Variants in RAB11FIP3 observed in about 807,000 individuals in gnomAD.
The protein encoded by RAB11FIP3 is rab11 family-interacting protein 3.
A neutral mutation model predicts 77.8 loss-of-function variants in RAB11FIP3; 17 were observed. The observed-to-expected ratio is 0.22, with a 90% CI of 0.15 to 0.33. The LOEUF (loss-of-function observed/expected upper bound fraction) is 0.33. Ranked by LOEUF, RAB11FIP3 falls within the 10% of genes least tolerant of loss-of-function variation. RAB11FIP3 has a pLI of 1.00. For synonymous variants in RAB11FIP3, 437 were observed against 448.2 expected (o/e 0.98, Z 0.31); for missense variants, 1,005 against 1,011.2 (o/e 0.99, Z 0.08).
intron 1 of RAB11FIP3, among the ~76,000 whole-genome samples, chr16:436,987 A>G (rs999174541): frequency 2.0e-5 from 3 of 152,030 alleles, no homozygotes; most frequent in African/African-American, 7.2e-5. Flanking sequence ...TAATAGCTAG[A>G]AGGAGGAGTC....
chr16:458,292 A>G (rs1430902198), intron 1 of RAB11FIP3, among the ~76,000 whole-genome samples: 1 of 152,200 alleles, frequency 6.6e-6, no homozygotes, highest in Non-Finnish European at 1.5e-5. Context: ...CTTTTCCTGA[A>G]ACAGAGCAGC....
In RAB11FIP3 at chr16:516,418, A is replaced by G. The variant is rs540637530; in HGVS notation, c.1641-2525A>G. Among the ~76,000 whole-genome samples the G allele has an allele frequency of 1.8e-3, 281 of 152,312 alleles. 2 individuals are homozygous for G. The highest frequency in any genetic ancestry group is 6.5e-3 in the African/African-American group (269 of 41,574). ...GAGGTGCTTACACTAAAAACCCCCC[A>G]TGAGCACAGACACTGAGGTTATCTC... On this transcript the variant is annotated intron_variant, in intron 9 of 13. Transcript: ENST00000262305.
intron 5 of RAB11FIP3, among the ~76,000 whole-genome samples, chr16:495,531 A>T (rs1567395809): frequency 6.6e-6 from 1 of 152,200 alleles, no homozygotes; most frequent in Non-Finnish European, 1.5e-5. Flanking sequence ...GGGAGACTGC[A>T]GGTGTCGGAG....
At chr16:468,230 G>GGGA (rs1298179341) in intron 2 of RAB11FIP3, among the ~76,000 whole-genome samples, 11 of 88,624 alleles carry the variant, frequency 1.2e-4, no homozygotes, top group Middle Eastern at 8.9e-3. Flanking sequence ...TGGGGCGTCA[G>GGGA]GGAGGAGGTG....
chr16:481,522 C>A (rs1271759385), intron 3 of RAB11FIP3, among the ~76,000 whole-genome samples: 6 of 151,664 alleles, frequency 4.0e-5, no homozygotes, highest in Admixed American at 2.0e-4. Context: ...AAAAAAAAAC[C>A]CCCAAAAAAC....
rs2056142243 is a variant in RAB11FIP3, at chr16:485,751, AT to A, written c.1115+3020del. Among the ~76,000 whole-genome samples the A allele has an allele frequency of 2.6e-5, 4 of 152,068 alleles. No homozygotes were observed. The South Asian group carries it at 8.3e-4, about 31-fold the overall frequency. Reference sequence around the variant, plus strand: ...AATTTTGCTATAGTTGAGCTTATCCATTTTTCTTTTATGTTTATTAGCACTT... The same window carrying A: ...AATTTTGCTATAGTTGAGCTTATCCATTTTCTTTTATGTTTATTAGCACTT... On this transcript the variant is annotated intron_variant, in intron 4 of 13. Coordinates refer to ENST00000262305, the MANE Select transcript of RAB11FIP3 (RefSeq NM_014700.4).
At position 426,308 on chromosome 16, in the gene RAB11FIP3, C is replaced by T. The variant is rs1024348392; in HGVS notation, c.302C>T (p.Ala101Val). ...PPRSGPRGQLASPDAPGPGPR... is the reference protein window; with the variant it reads ...PPRSGPRGQLVSPDAPGPGPR... ...CGCTCCGGCCCGCGGGGGCAGCTTG[C>T]GAGCCCCGACGCCCCGGGCCCAGGG... The change falls in exon 1 of 14, where the codon GCG (alanine) becomes GTG (valine). Residue 101 changes from alanine to valine, a missense_variant. Around this residue, in one of 4 missense-constraint regions of RAB11FIP3, gnomAD observed 466 missense variants for 408.3 expected, o/e 1.14. Coordinates refer to ENST00000262305, the MANE Select transcript of RAB11FIP3 (RefSeq NM_014700.4). The surrounding 1 kb of genome is among the most constrained non-coding windows in gnomAD (Gnocchi z 5.0). 6.8e-6 allele frequency: 9 copies of T among 1,319,486 alleles called. No homozygotes were observed. Among genetic ancestry groups the T allele is most frequent in the South Asian group, 4.4e-5 (2 of 45,002 alleles). The allele number at this position is 1,319,486 out of a possible 1,614,324, so 81.7% of individuals were successfully genotyped here. A position where few individuals can be genotyped will look rare whatever the true frequency, so the allele number is the denominator to read the frequency against.
chr16:465,822 C>T (rs933505702), intron 2 of RAB11FIP3, among the ~76,000 whole-genome samples: 2 of 152,120 alleles, frequency 1.3e-5, no homozygotes, highest in Non-Finnish European at 2.9e-5. Context: ...CCAGGCTGGT[C>T]GTGAACTCCT....
intron 2 of RAB11FIP3, among the ~76,000 whole-genome samples, chr16:465,218 T>C (rs1193133220): frequency 6.6e-6 from 1 of 152,016 alleles, no homozygotes; most frequent in Non-Finnish European, 1.5e-5. Context: ...GATGCAGGCT[T>C]CTAGGTTGAT....
intron 4 of RAB11FIP3, among the ~76,000 whole-genome samples, chr16:482,945 A>C (rs2056076835): frequency 6.6e-6 from 1 of 150,604 alleles, no homozygotes; most frequent in African/African-American, 2.4e-5. Context: ...TCCCTGTTCC[A>C]GCTGACTTTC....
chr16:504,703 C>T lies in RAB11FIP3; in HGVS notation c.1396-821C>T, dbSNP rs117166138. ...TGTACCCCCTCACCTCCTCCTGTAC[C>T]GCCTCACCTCCTCCTATACCCCCTC... On this transcript the variant is annotated intron_variant, in intron 7 of 13. Coordinates refer to ENST00000262305, the MANE Select transcript of RAB11FIP3 (RefSeq NM_014700.4). 4.4e-3 allele frequency among the ~76,000 whole-genome samples: 28 copies of T among 6,294 alleles called. 4 individuals carry two copies. In the East Asian group the frequency reaches 0.13, roughly 29 times the overall value. The allele number at this position is 6,294 out of a possible 152,430, so 4.1% of individuals were successfully genotyped here.
In RAB11FIP3 at chr16:489,649, T is replaced by TAGGTTGTCGTCC. The variant is rs201499645; in HGVS notation, c.1265+651_1265+662dup. Among the ~76,000 whole-genome samples, 192 of 152,308 alleles carry TAGGTTGTCGTCC rather than the reference T, an allele frequency of 1.3e-3. 4 individuals carry two copies. The East Asian group carries it at 0.036, about 28-fold the overall frequency. On this transcript the variant is annotated intron_variant, in intron 5 of 13. Coordinates refer to ENST00000262305, the MANE Select transcript of RAB11FIP3 (RefSeq NM_014700.4). ...TTCAATCCCTTCTCCCCTTTGCTAC[T>TAGGTTGTCGTCC]AGGTTGTCGTCCATCTTTGCCAGCA...
At position 426,697 on chromosome 16, in the gene RAB11FIP3, G is replaced by A; in HGVS notation, c.691G>A (p.Ala231Thr). The change falls in exon 1 of 14, where the codon GCT becomes ACT. Residue 231 changes from alanine (A) to threonine (T), a missense_variant. Transcript: ENST00000262305. This position sits in a 1 kb window ranked among gnomAD's most constrained non-coding sequence, Gnocchi z 5.0. The stretch of plus-strand genomic sequence containing the variant: ...CCGCATCGAGGACTTCATCCAGTTT[G>A]CTACGGTCTACGGGGCAGAGCAGGT... ...FVRIEDFIQF[A>T]TVYGAEQVKD... 6.5e-7 allele frequency: 1 copy of A among 1,528,818 alleles called. No homozygotes were observed. The highest frequency in any genetic ancestry group is 8.8e-7 in the Non-Finnish European group (1 of 1,137,078). The allele number at this position is 1,528,818 out of a possible 1,614,324, so 94.7% of individuals were successfully genotyped here. A position where few individuals can be genotyped will look rare whatever the true frequency, so the allele number is the denominator to read the frequency against.
At chr16:497,175 G>C (rs901766015) in intron 6 of RAB11FIP3, 2 of 920,678 alleles carry the variant, frequency 2.2e-6, no homozygotes, top group Admixed American at 5.3e-5. Flanking sequence ...CTGAGGTAGC[G>C]AGACCCAGTG....
rs115199699 is a variant in RAB11FIP3, at chr16:468,893, C to A, written c.809-2402C>A. On this transcript the variant is annotated intron_variant, in intron 2 of 13. Transcript: ENST00000262305. Reference sequence around the variant, plus strand: ...ATCTGTGTTCATATCCCCTGCTCCGCCCTCTGGGGCAAGACCCTCAGATTG... The same window carrying A: ...ATCTGTGTTCATATCCCCTGCTCCGACCTCTGGGGCAAGACCCTCAGATTG... Among the ~76,000 whole-genome samples, 927 of 152,290 alleles carry A rather than the reference C, an allele frequency of 6.1e-3. 10 individuals are homozygous for A. The highest frequency in any genetic ancestry group is 0.021 in the African/African-American group (882 of 41,566).
At chr16:479,287 G>T (rs1004028720) in intron 3 of RAB11FIP3, among the ~76,000 whole-genome samples, 1 of 152,056 alleles carries the variant, frequency 6.6e-6, no homozygotes, top group Admixed American at 6.6e-5. Context: ...AGCTACTCAG[G>T]AGGCTGAGGT....
At chr16:496,785 G>C (rs781417147) in intron 5 of RAB11FIP3, 39 bp from the exon 6 acceptor site, 8 of 1,552,052 alleles carry the variant, frequency 5.2e-6, no homozygotes, top group African/African-American at 1.4e-5. Flanking sequence ...CTCTCTGTCT[G>C]TTCTAACAAT....
At chr16:449,674 G>C (rs972111333) in intron 1 of RAB11FIP3, among the ~76,000 whole-genome samples, 1 of 149,962 alleles carries the variant, frequency 6.7e-6, no homozygotes, top group Admixed American at 6.7e-5. Flanking sequence ...GTTTTAGGCC[G>C]GGTGCAGTGG....
intron 7 of RAB11FIP3, among the ~76,000 whole-genome samples, chr16:503,901 T>TC (rs2031667069): frequency 7.1e-6 from 1 of 141,282 alleles, no homozygotes; most frequent in Admixed American, 7.0e-5. Flanking sequence ...CCCCTCACCT[T>TC]CTGTGACCCC....
Sources: gnomAD v4.1 joint callset for allele counts (sites outside exome capture counted in the v4.1 genomes callset) on GRCh38, gnomAD v4.1.1 for gene constraint, gnomAD v4.1.1 regional missense constraint, Gnocchi (gnomAD v3.1) non-coding constraint, MANE v1.5 for transcripts, NCBI Gene and HGNC (gene_info 2026-07-23, HGNC 2026-07-21) for gene names.